The following RNF150 variants were observed in gnomAD, a reference collection of about 807,000 sequenced individuals.
RNF150 encodes the protein ring finger protein 150.
Under a neutral mutation model 39.3 loss-of-function variants are expected in RNF150, and 24 were observed. The ratio of observed to expected loss-of-function variants is 0.61; its 90% confidence interval spans 0.44 to 0.86. The LOEUF is 0.86. Ranked by LOEUF, RNF150 falls within the 40% of genes least tolerant of loss-of-function variation. The pLI, the probability that RNF150 is intolerant of heterozygous loss-of-function variation, is 0.00. For missense variants in RNF150, 502 were observed against 587.8 expected (o/e 0.85, Z 1.51); for synonymous variants, 255 against 227.3 (o/e 1.12, Z -1.10).
chr4:141,019,515 T>C (rs568044506), intron 1 of RNF150, among the ~76,000 whole-genome samples: 1 of 152,270 alleles, frequency 6.6e-6, no homozygotes, highest in South Asian at 2.1e-4. Flanking sequence ...AAACGACTTC[T>C]TAATTGAGCT....
intron 1 of RNF150, among the ~76,000 whole-genome samples, chr4:141,090,065 G>A (rs1578717326): frequency 1.3e-5 from 2 of 152,234 alleles, no homozygotes; most frequent in African/African-American, 4.8e-5. Context: ...TTGTAGCTCA[G>A]TGCTGGTCTA....
At chr4:141,023,007 T>C (rs1029858910) in intron 1 of RNF150, among the ~76,000 whole-genome samples, 1 of 152,228 alleles carries the variant, frequency 6.6e-6, no homozygotes, top group Non-Finnish European at 1.5e-5. Context: ...AGATAAAGAA[T>C]GAGAAATGTT....
intron 2 of RNF150, among the ~76,000 whole-genome samples, chr4:140,961,819 C>CT (rs1178993895): frequency 1.3e-5 from 2 of 152,062 alleles, no homozygotes; most frequent in Non-Finnish European, 2.9e-5. Context: ...CCATGAACCA[C>CT]TTTCATACCA....
intron 1 of RNF150, among the ~76,000 whole-genome samples, chr4:141,078,776 C>T (rs1250010629): frequency 1.1e-4 from 11 of 104,534 alleles, no homozygotes; most frequent in Admixed American, 1.4e-4. Context: ...GGCGACAGAG[C>T]GAAACTCCGT....
chr4:140,912,126 G>A (rs1232459396), intron 5 of RNF150, among the ~76,000 whole-genome samples: 1 of 152,188 alleles, frequency 6.6e-6, no homozygotes, highest in Non-Finnish European at 1.5e-5. Flanking sequence ...AAGGCACTCT[G>A]TGTTGGCCAG....
intron 1 of RNF150, among the ~76,000 whole-genome samples, chr4:141,190,425 C>T (rs1196479358): frequency 1.3e-5 from 2 of 152,204 alleles, no homozygotes; most frequent in African/African-American, 4.8e-5. Context: ...AGTCATGTGT[C>T]TGTGACCTGA....
At chr4:141,155,578 T>A (rs1314793537) in intron 1 of RNF150, among the ~76,000 whole-genome samples, 1 of 152,150 alleles carries the variant, frequency 6.6e-6, no homozygotes, top group Non-Finnish European at 1.5e-5. Context: ...GGACTAGGAA[T>A]AATCACAAAA....
At chr4:140,961,766 C>A (rs919443286) in intron 2 of RNF150, among the ~76,000 whole-genome samples, 2 of 152,022 alleles carry the variant, frequency 1.3e-5, no homozygotes, top group African/African-American at 4.8e-5. Context: ...TCCTACAATT[C>A]AAGGAAAGTT....
chr4:140,874,490 G>T (rs1363101025), intron 6 of RNF150, among the ~76,000 whole-genome samples: 2 of 152,150 alleles, frequency 1.3e-5, no homozygotes, highest in African/African-American at 4.8e-5. Flanking sequence ...TGGCCACATA[G>T]GAAAGTTTTT....
At chr4:141,015,593 G>A (rs1333639731) in intron 1 of RNF150, among the ~76,000 whole-genome samples, 2 of 152,026 alleles carry the variant, frequency 1.3e-5, no homozygotes, top group African/African-American at 2.4e-5. Context: ...ATTTTTGGGT[G>A]CTGATTTTGT....
chr4:140,989,506 G>T (rs1417839874), intron 1 of RNF150, among the ~76,000 whole-genome samples: 1 of 152,068 alleles, frequency 6.6e-6, no homozygotes, highest in African/African-American at 2.4e-5. Context: ...AAAAGAGAGT[G>T]GGTGGCAGCC....
chr4:141,179,634 T>A (rs989813467), intron 1 of RNF150, among the ~76,000 whole-genome samples: 2 of 152,178 alleles, frequency 1.3e-5, no homozygotes, highest in African/African-American at 4.8e-5. Flanking sequence ...GTTTCCTTTT[T>A]GCTTCTGGAT....
intron 6 of RNF150, among the ~76,000 whole-genome samples, chr4:140,901,694 G>T (rs905119065): frequency 1.3e-5 from 2 of 152,182 alleles, no homozygotes; most frequent in African/African-American, 2.4e-5. Flanking sequence ...CCAAGCCTTT[G>T]AGGATCTATA....
At chr4:141,130,091 C>A (rs1342859942) in intron 1 of RNF150, among the ~76,000 whole-genome samples, 2 of 152,220 alleles carry the variant, frequency 1.3e-5, no homozygotes, top group African/African-American at 2.4e-5. Context: ...ATTCAGAAAT[C>A]TGACCTCAAA....
intron 2 of RNF150, among the ~76,000 whole-genome samples, chr4:140,951,284 A>G (rs1486346181): frequency 6.6e-6 from 1 of 152,094 alleles, no homozygotes; most frequent in Non-Finnish European, 1.5e-5. Flanking sequence ...TTTGCTTCAC[A>G]TTGTTCCCTA....
chr4:141,092,643 G>C (rs1319461799), intron 1 of RNF150, among the ~76,000 whole-genome samples: 4 of 151,820 alleles, frequency 2.6e-5, no homozygotes, highest in African/African-American at 9.7e-5. Flanking sequence ...CAGAAAATTG[G>C]GTCCCAGAGG....
chr4:140,876,663 T>C (rs138795891), intron 6 of RNF150, among the ~76,000 whole-genome samples: 1 of 152,282 alleles, frequency 6.6e-6, no homozygotes, highest in East Asian at 1.9e-4. Context: ...TGGCTTCACA[T>C]GTTATAGGTG....
chr4:140,935,033 AT>A (rs1731793328), intron 4 of RNF150, among the ~76,000 whole-genome samples: 15 of 4,284 alleles, frequency 3.5e-3, no homozygotes, highest in African/African-American at 6.2e-3. Context: ...TATATTTATA[AT>A]ATATATATAT....
chr4:141,167,255 T>TTCAAGGAAAACTACAAACCACTGC (rs1727621070), intron 1 of RNF150, among the ~76,000 whole-genome samples: 1 of 152,006 alleles, frequency 6.6e-6, no homozygotes, highest in Non-Finnish European at 1.5e-5. Context: ...GAAAGACCTC[T>TTCAAGGAAAACTACAAACCACTGC]TCAAGGAAAA....
Sources: gnomAD v4.1 joint callset for allele counts (sites outside exome capture counted in the v4.1 genomes callset) on GRCh38, gnomAD v4.1.1 for gene constraint, MANE v1.5 for transcripts, NCBI Gene and HGNC (gene_info 2026-07-23, HGNC 2026-07-21) for gene names.